The following CCDC102B variants were observed in gnomAD, a reference collection of about 807,000 sequenced individuals.
CCDC102B encodes coiled-coil domain containing 102B.
In CCDC102B, 75 loss-of-function variants were observed where a neutral mutation model predicts 57.4. The observed-to-expected ratio is 1.31, with a 90% CI of 1.08 to 1.58. The LOEUF is 1.58. Ranked by LOEUF, CCDC102B falls within the 40% of genes most tolerant of loss-of-function variation. The pLI is 0.00. For missense variants in CCDC102B, 636 were observed against 582.6 expected (o/e 1.09, Z -0.94); for synonymous variants, 206 against 201.9 (o/e 1.02, Z -0.17).
intron 1 of CCDC102B, among the ~76,000 whole-genome samples, chr18:68,815,677 T>TACAC (rs10592850): frequency 0.026 from 3,867 of 149,244 alleles, 56 homozygotes; most frequent in South Asian, 0.048. Flanking sequence ...TCCATTTACA[T>TACAC]ACACACACAC....
chr18:68,858,504 G>A (rs556184899), intron 4 of CCDC102B, among the ~76,000 whole-genome samples: 1 of 152,142 alleles, frequency 6.6e-6, no homozygotes, highest in African/African-American at 2.4e-5. Context: ...CTCTTTGCCA[G>A]GAACTCTATT....
chr18:68,779,896 A>T (rs1475875724), intron 2 of CCDC102B, among the ~76,000 whole-genome samples: 1 of 152,082 alleles, frequency 6.6e-6, no homozygotes, highest in African/African-American at 2.4e-5. Context: ...TGTACAGTTC[A>T]ATAGTTTTAG....
At chr18:68,887,089 C>T (rs950660576) in intron 5 of CCDC102B, among the ~76,000 whole-genome samples, 1 of 151,982 alleles carries the variant, frequency 6.6e-6, no homozygotes. Flanking sequence ...AAGGTTTTTC[C>T]TCATGTATGC....
chr18:69,014,978 A>AGAGAGAGTGTGTGTGTGTGTGTGT (rs139377520), intron 7 of CCDC102B, among the ~76,000 whole-genome samples: 1 of 139,332 alleles, frequency 7.2e-6, no homozygotes, highest in East Asian at 2.2e-4. Context: ...AGAGAGAGAG[A>AGAGAGAGTGTGTGTGTGTGTGTGT]GTGTGTGTGT....
chr18:69,024,685 TG>T (rs1568132717), intron 7 of CCDC102B, among the ~76,000 whole-genome samples: 1 of 152,022 alleles, frequency 6.6e-6, no homozygotes, highest in Non-Finnish European at 1.5e-5. Context: ...TGAATAAATG[TG>T]CCTGAATTTG....
intron 2 of CCDC102B, among the ~76,000 whole-genome samples, chr18:68,755,229 C>A (rs1036995416): frequency 2.0e-5 from 3 of 152,130 alleles, no homozygotes; most frequent in Non-Finnish European, 4.4e-5. Context: ...AGGATGTGCT[C>A]CCCAGAAAAC....
At chr18:68,914,166 G>A (rs1335174277) in intron 6 of CCDC102B, among the ~76,000 whole-genome samples, 4 of 152,140 alleles carry the variant, frequency 2.6e-5, no homozygotes, top group Non-Finnish European at 5.9e-5. Context: ...ATAACAGTAA[G>A]AGAAACAAAA....
chr18:68,765,072 A>AATAAATAC (rs2034381604), intron 2 of CCDC102B, among the ~76,000 whole-genome samples: 1 of 149,170 alleles, frequency 6.7e-6, no homozygotes, highest in Non-Finnish European at 1.5e-5. Flanking sequence ...TAAATAAATA[A>AATAAATAC]ATAAGCTGGG....
chr18:68,751,058 T>C (rs1220514658), intron 2 of CCDC102B, among the ~76,000 whole-genome samples: 1 of 151,850 alleles, frequency 6.6e-6, no homozygotes, highest in Non-Finnish European at 1.5e-5. Context: ...GTCAAAATAA[T>C]CTATCATGCT....
chr18:68,761,190 TCAAA>T (rs1193456411), intron 2 of CCDC102B, among the ~76,000 whole-genome samples: 1 of 152,224 alleles, frequency 6.6e-6, no homozygotes, highest in East Asian at 1.9e-4. Context: ...AATTTCCCTC[TCAAA>T]CAAATTTCAT....
chr18:68,771,869 T>TACACAC (rs57733183), intron 2 of CCDC102B, among the ~76,000 whole-genome samples: 29,345 of 141,860 alleles, frequency 0.21, 3,005 homozygotes, highest in Middle Eastern at 0.25. Flanking sequence ...TACTCTGAAA[T>TACACAC]ACACACACAC....
intron 1 of CCDC102B, among the ~76,000 whole-genome samples, chr18:68,821,652 C>T (rs1342260999): frequency 6.6e-6 from 1 of 151,616 alleles, no homozygotes; most frequent in East Asian, 1.9e-4. Flanking sequence ...TCCTTCTTTT[C>T]TTCTCCTTCT....
At chr18:68,733,506 A>ATATATATATATATATATT (rs1286743067) in intron 2 of CCDC102B, among the ~76,000 whole-genome samples, 1 of 87,640 alleles carries the variant, frequency 1.1e-5, no homozygotes, top group African/African-American at 5.5e-5. Context: ...ATATATATAT[A>ATATATATATATATATATT]TTTTTTTAAC....
intron 2 of CCDC102B, among the ~76,000 whole-genome samples, chr18:68,755,793 A>T (rs2034026657): frequency 6.6e-6 from 1 of 151,586 alleles, no homozygotes; most frequent in Non-Finnish European, 1.5e-5. Flanking sequence ...ATAACCATAG[A>T]AAAACCATAA....
chr18:68,878,198 GCAATTCTCTCACCTC>G, intron 5 of CCDC102B, among the ~76,000 whole-genome samples: 2 of 152,142 alleles, frequency 1.3e-5, no homozygotes, highest in African/African-American at 4.8e-5. Flanking sequence ...CTGGGCTCAG[GCAATTCTCTCACCTC>G]AGCCTCCCAA....
At chr18:68,997,858 T>TGC (rs1464891372) in intron 6 of CCDC102B, among the ~76,000 whole-genome samples, 19 of 124,714 alleles carry the variant, frequency 1.5e-4, no homozygotes, top group Admixed American at 5.1e-4. Flanking sequence ...AATATGTGTT[T>TGC]TTTTTGGCAT....
At chr18:69,003,446 A>G (rs2051259154) in intron 6 of CCDC102B, among the ~76,000 whole-genome samples, 1 of 152,070 alleles carries the variant, frequency 6.6e-6, no homozygotes, top group Non-Finnish European at 1.5e-5. Context: ...TCAACTCTCT[A>G]CCCAGCAAAA....
chr18:68,851,500 A>G (rs2038122387), intron 4 of CCDC102B, among the ~76,000 whole-genome samples: 1 of 152,214 alleles, frequency 6.6e-6, no homozygotes, highest in Non-Finnish European at 1.5e-5. Context: ...TAAGAATAAT[A>G]TAAGCACTGA....
At chr18:68,958,538 A>G (rs776119721) in intron 6 of CCDC102B, among the ~76,000 whole-genome samples, 2 of 152,150 alleles carry the variant, frequency 1.3e-5, no homozygotes, top group Non-Finnish European at 2.9e-5. Flanking sequence ...TCATCATCAG[A>G]GATATTGATA....
Sources: allele counts gnomAD v4.1 joint callset (sites outside exome capture counted in the v4.1 genomes callset), GRCh38; gene constraint gnomAD v4.1.1; transcripts MANE v1.5; gene names NCBI Gene and HGNC (gene_info 2026-07-23, HGNC 2026-07-21).